Variants in LUZP2 observed in about 807,000 individuals in gnomAD.
The protein encoded by LUZP2 is leucine zipper protein 2.
A neutral mutation model predicts 51.6 loss-of-function variants in LUZP2; 52 were observed. The observed-to-expected ratio is 1.01, with a 90% CI of 0.81 to 1.27. LUZP2 has a LOEUF of 1.27. Among genes scored for constraint, LUZP2 ranks in the 50% most tolerant of loss-of-function variants. The pLI, the probability that LUZP2 is intolerant of heterozygous loss-of-function variation, is 0.00. For synonymous variants in LUZP2, 154 were observed against 137.3 expected, an observed-to-expected ratio of 1.12 and a Z score of -0.85; for missense variants, 436 against 395.4, an observed-to-expected ratio of 1.10 and a Z score of -0.87.
chr11:25,032,334 C>T (rs1857713269), intron 9 of LUZP2, among the ~76,000 whole-genome samples: 1 of 152,128 alleles, frequency 6.6e-6, no homozygotes, highest in African/African-American at 2.4e-5. Context: ...ACTAATAACG[C>T]TGGTATGACA....
chr11:24,575,006 G>T (rs1279304309), intron 1 of LUZP2, among the ~76,000 whole-genome samples: 1 of 152,080 alleles, frequency 6.6e-6, no homozygotes, highest in Admixed American at 6.6e-5. Context: ...CTTGGTCACT[G>T]CTTATAGATT....
chr11:24,891,109 A>C, intron 5 of LUZP2: 4 of 983,492 alleles, frequency 4.1e-6, no homozygotes, highest in Non-Finnish European at 4.8e-6. Flanking sequence ...GAGAAAAGAA[A>C]TACAAATTAG....
At chr11:25,043,549 A>C (rs1392131537) in intron 9 of LUZP2, among the ~76,000 whole-genome samples, 1 of 77,224 alleles carries the variant, frequency 1.3e-5, no homozygotes, top group Non-Finnish European at 3.7e-5. Context: ...CAAAAAAAAG[A>C]AGCTCTGCAA....
At chr11:24,735,012 CA>C (rs1830398863) in intron 3 of LUZP2, among the ~76,000 whole-genome samples, 1 of 151,894 alleles carries the variant, frequency 6.6e-6, no homozygotes, top group African/African-American at 2.4e-5. Context: ...GCCACCGAAA[CA>C]AAAACCAATC....
At chr11:24,710,107 C>T (rs1590380527) in intron 1 of LUZP2, among the ~76,000 whole-genome samples, 1 of 152,052 alleles carries the variant, frequency 6.6e-6, no homozygotes, top group Admixed American at 6.6e-5. Flanking sequence ...TTAATAAGTG[C>T]TTGTCAGTGT....
At chr11:25,002,379 G>A (rs1463568722) in intron 9 of LUZP2, among the ~76,000 whole-genome samples, 1 of 152,176 alleles carries the variant, frequency 6.6e-6, no homozygotes, top group East Asian at 1.9e-4. Context: ...TGGCAGTCAT[G>A]CTCAATTGGT....
At chr11:24,927,488 T>A (rs865860431) in intron 7 of LUZP2, among the ~76,000 whole-genome samples, 5 of 151,048 alleles carry the variant, frequency 3.3e-5, no homozygotes, top group Non-Finnish European at 7.4e-5. Flanking sequence ...CTTATTTGTA[T>A]ATTAGGGTGT....
chr11:24,792,995 GTCTT>G (rs1849448254), intron 5 of LUZP2, among the ~76,000 whole-genome samples: 1 of 152,062 alleles, frequency 6.6e-6, no homozygotes, highest in Non-Finnish European at 1.5e-5. Context: ...CAGATTCATT[GTCTT>G]TCTTTGCCAT....
intron 10 of LUZP2, among the ~76,000 whole-genome samples, chr11:25,075,785 T>C (rs2134061268): frequency 6.6e-6 from 1 of 152,066 alleles, no homozygotes; most frequent in South Asian, 2.1e-4. Context: ...TTAAGAGCAA[T>C]ATAGTGTGAG....
chr11:24,950,579 C>T (rs1250034140), intron 7 of LUZP2, among the ~76,000 whole-genome samples: 1 of 151,518 alleles, frequency 6.6e-6, no homozygotes, highest in Admixed American at 6.6e-5. Flanking sequence ...GACAGACCAA[C>T]AGAAATTTAG....
intron 5 of LUZP2, chr11:24,786,534 A>T: frequency 1.6e-6 from 1 of 619,076 alleles, no homozygotes. Context: ...TATATACACA[A>T]ATATATAATA....
In LUZP2 at chr11:24,705,629, T is replaced by C. The variant is rs568668168; in HGVS notation, c.63-23540T>C. On this transcript the variant is annotated intron_variant, in intron 1 of 11. Coordinates refer to ENST00000336930, the MANE Select transcript of LUZP2 (RefSeq NM_001009909.4). ...ATTTCCCAGGCTTCAGAACAGAAAG[T>C]TGGGGACAGAAGCTGAACAACTGCA... Among the ~76,000 whole-genome samples the C allele has an allele frequency of 1.2e-4, 18 of 152,240 alleles. 1 individual carries two copies. The East Asian group carries it at 2.5e-3, about 21-fold the overall frequency.
Position 24,926,667 on chromosome 11 carries a change from A to G in LUZP2, c.522+12129A>G, listed in dbSNP as rs34514709. On this transcript the variant is annotated intron_variant, in intron 7 of 11. Transcript: ENST00000336930. ...TATATATATGTGTGTGTATATATATATGTGTGTGTGTGTGTGTGTTGCTGC... is the reference window on the plus strand; with the variant it reads ...TATATATATGTGTGTGTATATATATGTGTGTGTGTGTGTGTGTGTTGCTGC... Among the ~76,000 whole-genome samples the G allele has an allele frequency of 8.2e-3, 1,205 of 146,194 alleles. 18 individuals are homozygous for G. Among genetic ancestry groups the G allele is most frequent in the African/African-American group, 0.027 (1,059 of 39,888 alleles).
intron 9 of LUZP2, among the ~76,000 whole-genome samples, chr11:25,019,337 AAAT>A (rs1857260355): frequency 1.3e-5 from 2 of 152,304 alleles, no homozygotes; most frequent in African/African-American, 2.4e-5. Flanking sequence ...AGAATCATAG[AAAT>A]AATAAGTTGC....
chr11:24,857,182 A>G lies in LUZP2; in HGVS notation c.397-48809A>G, dbSNP rs74586830. On this transcript the variant is annotated intron_variant, in intron 5 of 11. Transcript: ENST00000336930. ...TTGTTTGTTTTCTTCATTGGAGGTA[A>G]CAAGATTGTACATTATTTTTCATAT... 7.6e-3 allele frequency among the ~76,000 whole-genome samples: 1,150 copies of G among 151,642 alleles called. 25 individuals carry two copies. Among genetic ancestry groups the G allele is most frequent in the East Asian group, 0.054 (279 of 5,142 alleles).
intron 5 of LUZP2, among the ~76,000 whole-genome samples, chr11:24,864,924 A>T (rs1438908506): frequency 2.0e-5 from 3 of 152,326 alleles, no homozygotes; most frequent in African/African-American, 7.2e-5. Context: ...TGATGTTCTC[A>T]TAATTGTAGG....
intron 1 of LUZP2, among the ~76,000 whole-genome samples, chr11:24,532,044 A>G (rs963819532): frequency 6.6e-6 from 1 of 150,992 alleles, no homozygotes; most frequent in Admixed American, 6.6e-5. Flanking sequence ...ACTATCAAAC[A>G]ATCAGGGCAG....
chr11:24,727,879 A>G (rs1020405006), intron 1 of LUZP2, among the ~76,000 whole-genome samples: 1 of 152,042 alleles, frequency 6.6e-6, no homozygotes, highest in Non-Finnish European at 1.5e-5. Flanking sequence ...ATAGAAGTCT[A>G]TTCTAGATGA....
Position 24,769,786 on chromosome 11 carries a change from C to CTTTTTT in LUZP2, c.396+6479_396+6484dup, listed in dbSNP as rs1554988302. ...GAAATAGGGAATCACACTAAATTCT[C>CTTTTTT]TTTTTTGTTTGTTTGTTTTGTTTTG... On this transcript the variant is annotated intron_variant, in intron 5 of 11. Transcript: ENST00000336930. Among the ~76,000 whole-genome samples the CTTTTTT allele has an allele frequency of 7.5e-3, 1,104 of 146,482 alleles. 26 individuals carry two copies. The highest frequency in any genetic ancestry group is 0.028 in the African/African-American group (1,032 of 37,188).
Sources: allele counts gnomAD v4.1 joint callset (sites outside exome capture counted in the v4.1 genomes callset), GRCh38; gene constraint gnomAD v4.1.1; transcripts MANE v1.5; gene names NCBI Gene and HGNC (gene_info 2026-07-23, HGNC 2026-07-21).